NKAIN2: variants seen among roughly 807,000 people sequenced by gnomAD.
The protein encoded by NKAIN2 is sodium/potassium-transporting ATPase subunit beta-1-interacting protein 2.
A neutral mutation model predicts 32.6 loss-of-function variants in NKAIN2; 14 were observed. The observed-to-expected ratio is 0.43, with a 90% CI of 0.28 to 0.67. The LOEUF is 0.67. Ranked by LOEUF, NKAIN2 falls within the 30% of genes least tolerant of loss-of-function variation. The pLI is 0.17. For missense variants in NKAIN2, 198 were observed against 258.3 expected (o/e 0.77, Z 1.60); for synonymous variants, 80 against 87.2 (o/e 0.92, Z 0.46).
At chr6:124,512,559 C>G (rs889499869) in intron 3 of NKAIN2, among the ~76,000 whole-genome samples, 1 of 152,084 alleles carries the variant, frequency 6.6e-6, no homozygotes, top group African/African-American at 2.4e-5. Context: ...AGGACATAAA[C>G]ACTAAAAGAG....
chr6:124,371,659 A>T (rs1799765411), intron 3 of NKAIN2, among the ~76,000 whole-genome samples: 1 of 141,786 alleles, frequency 7.1e-6, no homozygotes, highest in African/African-American at 2.6e-5. Context: ...GCGCCACTGC[A>T]CTCCAGCCTG....
intron 3 of NKAIN2, among the ~76,000 whole-genome samples, chr6:124,491,242 T>C (rs80320647): frequency 0.03 from 4,631 of 151,908 alleles, 246 homozygotes; most frequent in African/African-American, 0.1. Flanking sequence ...CACATGCTAG[T>C]GAATGGTAAG....
At chr6:124,773,578 T>C (rs1012047154) in intron 4 of NKAIN2, among the ~76,000 whole-genome samples, 3 of 152,066 alleles carry the variant, frequency 2.0e-5, no homozygotes, top group Admixed American at 6.6e-5. Flanking sequence ...TGGGAGAATT[T>C]TTCTAAGTAG....
rs145309462 is a variant in NKAIN2, at chr6:124,084,881, T to G, written c.55-198124T>G. ...AAAAAAAATCTCTATGCTTAAAAAT[T>G]TGCTAATCTTGCTGAGAAACCCAAA... On this transcript the variant is annotated intron_variant, in intron 1 of 6. Transcript: ENST00000368417. 1.4e-3 allele frequency among the ~76,000 whole-genome samples: 220 copies of G among 152,110 alleles called. 2 individuals carry two copies. Among genetic ancestry groups the G allele is most frequent in the Non-Finnish European group, 2.3e-3 (157 of 67,940 alleles).
intron 4 of NKAIN2, among the ~76,000 whole-genome samples, chr6:124,789,016 C>G (rs530544503): frequency 7.2e-5 from 11 of 152,122 alleles, no homozygotes; most frequent in African/African-American, 2.4e-4. Context: ...TAACAAAATG[C>G]AGCAGGATTT....
intron 1 of NKAIN2, among the ~76,000 whole-genome samples, chr6:124,016,887 A>G (rs1780598016): frequency 6.6e-6 from 1 of 152,160 alleles, no homozygotes; most frequent in Non-Finnish European, 1.5e-5. Flanking sequence ...CATTGCTGCA[A>G]ATGCCCAACA....
intron 1 of NKAIN2, among the ~76,000 whole-genome samples, chr6:123,842,155 A>G (rs1774898554): frequency 6.6e-6 from 1 of 152,196 alleles, no homozygotes; most frequent in African/African-American, 2.4e-5. Context: ...AATTACTTGG[A>G]GACATTATAC....
intron 3 of NKAIN2, among the ~76,000 whole-genome samples, chr6:124,557,947 G>A (rs1214003970): frequency 6.6e-6 from 1 of 152,098 alleles, no homozygotes; most frequent in Non-Finnish European, 1.5e-5. Flanking sequence ...TTAAATATTA[G>A]TAATTACCTC....
intron 1 of NKAIN2, among the ~76,000 whole-genome samples, chr6:123,872,553 T>G (rs914111614): frequency 6.6e-6 from 1 of 152,146 alleles, no homozygotes; most frequent in Non-Finnish European, 1.5e-5. Flanking sequence ...TGATGATGGT[T>G]GAGGAATTTG....
chr6:124,281,978 C>T (rs1027757471), intron 1 of NKAIN2, among the ~76,000 whole-genome samples: 2 of 152,140 alleles, frequency 1.3e-5, no homozygotes, highest in African/African-American at 4.8e-5. Context: ...AGTCCTTTTA[C>T]AATGTTTTTC....
chr6:124,346,557 CT>C (rs1798433443), intron 2 of NKAIN2, among the ~76,000 whole-genome samples: 1 of 152,138 alleles, frequency 6.6e-6, no homozygotes, highest in African/African-American at 2.4e-5. Flanking sequence ...ATTAGCTCTT[CT>C]TGTTGAATTG....
intron 1 of NKAIN2, among the ~76,000 whole-genome samples, chr6:124,018,707 T>C (rs1186875530): frequency 6.6e-6 from 1 of 152,158 alleles, no homozygotes. Context: ...CATATGACTA[T>C]CAGCATTTTC....
intron 3 of NKAIN2, among the ~76,000 whole-genome samples, chr6:124,609,315 G>A (rs1402478624): frequency 2.0e-5 from 3 of 152,140 alleles, no homozygotes; most frequent in Non-Finnish European, 2.9e-5. Flanking sequence ...GACAGCCAAA[G>A]CAATCATTAT....
intron 1 of NKAIN2, among the ~76,000 whole-genome samples, chr6:124,263,300 G>T (rs1350358747): frequency 6.6e-6 from 1 of 152,158 alleles, no homozygotes; most frequent in Non-Finnish European, 1.5e-5. Context: ...AAATCATGCA[G>T]TCATGAAGCT....
chr6:123,834,498 G>A (rs920903715), intron 1 of NKAIN2, among the ~76,000 whole-genome samples: 1 of 152,030 alleles, frequency 6.6e-6, no homozygotes, highest in African/African-American at 2.4e-5. Flanking sequence ...TTTCTACATA[G>A]ACAATCATGT....
rs138082472 is a variant in NKAIN2, at chr6:124,023,207, A to AAC, written c.54+218966_54+218967dup. On this transcript the variant is annotated intron_variant, in intron 1 of 6. Coordinates refer to ENST00000368417, the MANE Select transcript of NKAIN2 (RefSeq NM_001040214.3). ...GATACAGAAAAAACATCTGAGATTA[A>AAC]ACACACACACACACGCACACACATA... Among the ~76,000 whole-genome samples the AAC allele has an allele frequency of 3.0e-3, 448 of 151,094 alleles. 3 individuals are homozygous for AAC. Among genetic ancestry groups the AAC allele is most frequent in the African/African-American group, 0.01 (419 of 41,222 alleles).
At chr6:124,820,925 T>G (rs1781366108) in intron 6 of NKAIN2, among the ~76,000 whole-genome samples, 1 of 152,090 alleles carries the variant, frequency 6.6e-6, no homozygotes, top group Non-Finnish European at 1.5e-5. Context: ...AAAACCAGTC[T>G]CTGGTACCAA....
intron 6 of NKAIN2, among the ~76,000 whole-genome samples, chr6:124,820,285 A>C (rs1781339485): frequency 6.6e-6 from 1 of 152,194 alleles, no homozygotes. Context: ...TACTGAAGGC[A>C]TACTGTCTGA....
intron 2 of NKAIN2, among the ~76,000 whole-genome samples, chr6:124,350,151 G>A (rs1251129613): frequency 6.6e-6 from 1 of 152,144 alleles, no homozygotes; most frequent in Non-Finnish European, 1.5e-5. Flanking sequence ...TCTCTCCAGG[G>A]CAGAACATCT....
Sources: allele counts gnomAD v4.1 joint callset (sites outside exome capture counted in the v4.1 genomes callset), GRCh38; gene constraint gnomAD v4.1.1; transcripts MANE v1.5; gene names NCBI Gene and HGNC (gene_info 2026-07-23, HGNC 2026-07-21).